Variants in MGAT4A observed in about 807,000 individuals in gnomAD.
MGAT4A encodes N-acetylglucosaminyltransferase IVa.
In MGAT4A, 33 loss-of-function variants were observed where a neutral mutation model predicts 74.1. The observed-to-expected ratio is 0.45, with a 90% confidence interval of 0.34 to 0.60. The LOEUF is 0.60. Among genes scored for constraint, MGAT4A ranks in the 20% least tolerant of loss-of-function variants. The pLI, the probability that MGAT4A is intolerant of heterozygous loss-of-function variation, is 0.02. For synonymous variants in MGAT4A, 198 were observed against 210.4 expected, an observed-to-expected ratio of 0.94 and a Z score of 0.51; for missense variants, 479 against 628.3, an observed-to-expected ratio of 0.76 and a Z score of 2.54.
At chr2:98,671,560 G>C (rs556075829) in intron 4 of MGAT4A, among the ~76,000 whole-genome samples, 1 of 152,134 alleles carries the variant, frequency 6.6e-6, no homozygotes, top group East Asian at 1.9e-4. Flanking sequence ...TCATTTTCTA[G>C]AACATTCCAC....
At chr2:98,688,724 C>A (rs1387642648) in intron 2 of MGAT4A, among the ~76,000 whole-genome samples, 1 of 152,120 alleles carries the variant, frequency 6.6e-6, no homozygotes, top group Non-Finnish European at 1.5e-5. Context: ...GTATTCTTTA[C>A]GAGTCAGGTC....
At position 98,678,466 on chromosome 2, in the gene MGAT4A, GT is replaced by G; in HGVS notation, c.99del (p.Lys33AsnfsTer2). On this transcript the variant is annotated frameshift_variant, in exon 3 of 16. Transcript: ENST00000393487. LOFTEE classifies it high-confidence loss of function. ...WYTTWQNGKE[K>X]LIAYQREFLA... ...AGGAATTCTCGTTGATAAGCAATCA[GT>G]TTTTCTAGAAGCAAAACCAAAACAG... The G allele has an allele frequency of 6.4e-7, 1 of 1,567,540 alleles. No homozygotes were observed. Among genetic ancestry groups the G allele is most frequent in the Non-Finnish European group, 8.7e-7 (1 of 1,150,202 alleles).
chr2:98,642,618 G>C (rs1054765815), intron 10 of MGAT4A, among the ~76,000 whole-genome samples: 1 of 152,264 alleles, frequency 6.6e-6, no homozygotes, highest in African/African-American at 2.4e-5. Flanking sequence ...TGCACAGGAC[G>C]AATGGAATGC....
chr2:98,656,602 AAAAGGAGCAGCTCATCACTGATTTCATT>A, intron 6 of MGAT4A, 137 bp from the exon 7 acceptor site: 1 of 565,332 alleles, frequency 1.8e-6, no homozygotes, highest in South Asian at 2.5e-5. Flanking sequence ...GCAAGGTGTT[AAAAGGAGCAGCTCATCACTGATTTCATT>A]TACAGAAAAT....
chr2:98,682,922 T>TA (rs1357925428), intron 2 of MGAT4A, among the ~76,000 whole-genome samples: 2 of 151,630 alleles, frequency 1.3e-5, no homozygotes, highest in African/African-American at 4.8e-5. Context: ...CCGTCTCTAC[T>TA]AAAAAAATAC....
intron 8 of MGAT4A, among the ~76,000 whole-genome samples, chr2:98,650,369 G>A (rs72825735): frequency 0.042 from 6,463 of 152,150 alleles, 232 homozygotes; most frequent in African/African-American, 0.095. Context: ...TATGAGGATA[G>A]AAATGGACAT....
intron 10 of MGAT4A, among the ~76,000 whole-genome samples, chr2:98,641,995 CAAAA>C (rs576834542): frequency 4.2e-5 from 3 of 70,946 alleles, no homozygotes; most frequent in Admixed American, 1.6e-4. Context: ...AACTCTGTCT[CAAAA>C]AAAAAAAAAA....
Position 98,640,184 on chromosome 2 carries a change from T to C in MGAT4A, c.1065A>G (p.Arg355=). ...RQKANLRIRF[R]PSLFQHVGLH... ...GACCAACATGTTGGAAAAGGGAAGG[T>C]CTGAAGCGAATTCGCAGATTTGCTT... The change falls in exon 11 of 16, where the codon AGA becomes AGG. Residue 355 remains arginine (R), a synonymous_variant. Coordinates refer to ENST00000393487, the MANE Select transcript of MGAT4A (RefSeq NM_012214.3). The C allele has an allele frequency of 6.2e-7, 1 of 1,614,070 alleles. No homozygotes were observed. Among genetic ancestry groups the C allele is most frequent in the South Asian group, 1.1e-5 (1 of 91,052 alleles).
At position 98,663,197 on chromosome 2, in the gene MGAT4A, A is replaced by G; in HGVS notation, c.404-18T>C. 1.3e-6 allele frequency: 2 copies of G among 1,562,588 alleles called. No homozygotes were observed. The highest frequency in any genetic ancestry group is 1.7e-6 in the Non-Finnish European group (2 of 1,155,374). On this transcript the variant is annotated intron_variant, in intron 4 of 15. Transcript: ENST00000393487. ...TATTGAAACTGGAAAAAAAAATAGT[A>G]ATTATATTAAAAAACTGTACAAGGA...
In MGAT4A at chr2:98,643,839, CTATT is replaced by C. The variant is rs1224875641; in HGVS notation, c.1020+80_1020+83del. ...AGTTTTATATCACCTACCTATTTAA[CTATT>C]TATTTGCAAAATCTCTAAAAGTCAC... On this transcript the variant is annotated intron_variant, in intron 10 of 15. Transcript: ENST00000393487. 1.5e-4 allele frequency: 201 copies of C among 1,313,656 alleles called. 2 individuals are homozygous for C. In the South Asian group the frequency reaches 2.6e-3, roughly 17 times the overall value. 81.4% of individuals were successfully genotyped at this position (1,313,656 alleles called of 1,614,324 possible). A position where few individuals can be genotyped will look rare whatever the true frequency, so the allele number is the denominator to read the frequency against.
At chr2:98,705,563 AC>A (rs1702413552) in intron 2 of MGAT4A, among the ~76,000 whole-genome samples, 1 of 152,202 alleles carries the variant, frequency 6.6e-6, no homozygotes, top group African/African-American at 2.4e-5. Flanking sequence ...CACCCTAGCT[AC>A]AGAGGAAATT....
intron 2 of MGAT4A, among the ~76,000 whole-genome samples, chr2:98,685,238 T>TAA (rs79947111): frequency 0.012 from 1,536 of 133,446 alleles, 35 homozygotes; most frequent in African/African-American, 0.04. Context: ...CCCTGTCTCT[T>TAA]AAAAAAAAAA....
In MGAT4A at chr2:98,697,886, G is replaced by C. The variant is rs569479771; in HGVS notation, c.95-19415C>G. On this transcript the variant is annotated intron_variant, in intron 2 of 15. Coordinates refer to ENST00000393487, the MANE Select transcript of MGAT4A (RefSeq NM_012214.3). The stretch of plus-strand genomic sequence containing the variant: ...TTCATACAACAAGATTAACTGGATG[G>C]GTTCATAAGAAGACAAATGCTAAAG... Among the ~76,000 whole-genome samples the C allele has an allele frequency of 6.6e-5, 10 of 152,114 alleles. No homozygotes were observed. The South Asian group carries it at 1.9e-3, about 29-fold the overall frequency.
chr2:98,722,230 C>T (rs1028764983), intron 2 of MGAT4A, among the ~76,000 whole-genome samples: 3 of 152,088 alleles, frequency 2.0e-5, no homozygotes, highest in Non-Finnish European at 4.4e-5. Context: ...TCATAATAGC[C>T]AAAACGTAGA....
In MGAT4A at chr2:98,635,207, T is replaced by C. The variant is rs1009292663; in HGVS notation, c.1468+15A>G. On this transcript the variant is annotated intron_variant, in intron 14 of 15. Coordinates refer to ENST00000393487, the MANE Select transcript of MGAT4A (RefSeq NM_012214.3). ...TCCAGAAAAATAAAGGCCATTTTAC[T>C]AAAGTAGATATTACCTATTCTGAAA... The C allele has an allele frequency of 3.8e-6, 6 of 1,581,136 alleles. No homozygotes were observed. Among genetic ancestry groups the C allele is most frequent in the Non-Finnish European group, 5.2e-6 (6 of 1,161,042 alleles).
intron 12 of MGAT4A, among the ~76,000 whole-genome samples, chr2:98,639,023 G>A (rs143738333): frequency 0.026 from 3,979 of 152,264 alleles, 77 homozygotes; most frequent in Non-Finnish European, 0.038. Flanking sequence ...AATGGCTCAC[G>A]CCTATAATCC....
At chr2:98,676,257 G>A (rs368305765) in intron 3 of MGAT4A, among the ~76,000 whole-genome samples, 1 of 152,104 alleles carries the variant, frequency 6.6e-6, no homozygotes, top group South Asian at 2.1e-4. Context: ...AATCTCATGC[G>A]TAAAGAAACA....
chr2:98,654,623 A>C (rs1033065324), intron 8 of MGAT4A, among the ~76,000 whole-genome samples: 28 of 152,174 alleles, frequency 1.8e-4, no homozygotes, highest in African/African-American at 6.3e-4. Flanking sequence ...TTTTTCTACA[A>C]AACATTTCTA....
Position 98,658,213 on chromosome 2 carries a change from C to A in MGAT4A, c.584+5G>T. ...TTTGTATGTTTATAATTAAGAAGAA[C>A]TTACTCTTTCTCCAGGTTGGCTACA... On this transcript the variant is annotated splice_donor_5th_base_variant and intron_variant, in intron 6 of 15. Coordinates refer to ENST00000393487, the MANE Select transcript of MGAT4A (RefSeq NM_012214.3). 6.4e-7 allele frequency: 1 copy of A among 1,556,458 alleles called. No homozygotes were observed. The highest frequency in any genetic ancestry group is 8.8e-7 in the Non-Finnish European group (1 of 1,139,254).
Sources: allele counts gnomAD v4.1 joint callset (sites outside exome capture counted in the v4.1 genomes callset), GRCh38; gene constraint gnomAD v4.1.1; transcripts MANE v1.5; gene names NCBI Gene and HGNC (gene_info 2026-07-23, HGNC 2026-07-21).